Variants in NAALADL2 observed in about 807,000 individuals in gnomAD.
NAALADL2 encodes inactive N-acetylated-alpha-linked acidic dipeptidase-like protein 2.
Under a neutral mutation model 87.2 loss-of-function variants are expected in NAALADL2, and 76 were observed. The ratio of observed to expected loss-of-function variants is 0.87; its 90% CI spans 0.72 to 1.05. The LOEUF is 1.05. Ranked by LOEUF, NAALADL2 falls within the 50% of genes least tolerant of loss-of-function variation. NAALADL2 has a pLI of 0.00. For synonymous variants in NAALADL2, 354 were observed against 331.0 expected (o/e 1.07, Z -0.75); for missense variants, 1,089 against 945.8 (o/e 1.15, Z -1.99).
intron 1 of NAALADL2, among the ~76,000 whole-genome samples, chr3:175,054,001 A>C (rs1041547333): frequency 6.6e-6 from 1 of 152,204 alleles, no homozygotes; most frequent in Non-Finnish European, 1.5e-5. Flanking sequence ...ACTGCTAACT[A>C]TTGTTTGCAA....
chr3:175,642,895 A>G (rs1021020444), intron 11 of NAALADL2, among the ~76,000 whole-genome samples: 9 of 152,178 alleles, frequency 5.9e-5, no homozygotes, highest in Non-Finnish European at 1.3e-4. Flanking sequence ...TATATTTGAA[A>G]AGTGATTCAG....
chr3:175,137,820 C>A (rs1418591447), intron 2 of NAALADL2, among the ~76,000 whole-genome samples: 1 of 151,598 alleles, frequency 6.6e-6, no homozygotes, highest in Non-Finnish European at 1.5e-5. Flanking sequence ...GATGGGGTTT[C>A]GCTAGGTTAC....
At chr3:174,875,986 G>T (rs1728457608) in intron 1 of NAALADL2, among the ~76,000 whole-genome samples, 2 of 144,080 alleles carry the variant, frequency 1.4e-5, no homozygotes, top group Admixed American at 6.9e-5. Context: ...GTGAAACCTT[G>T]TTTTTTTTTT....
chr3:175,379,117 G>T (rs9856818), intron 5 of NAALADL2, among the ~76,000 whole-genome samples: 2 of 151,528 alleles, frequency 1.3e-5, no homozygotes. Context: ...CAGATTGCCT[G>T]TCCCCAAATT....
intron 2 of NAALADL2, among the ~76,000 whole-genome samples, chr3:175,232,680 A>C (rs992324615): frequency 6.6e-6 from 1 of 152,224 alleles, no homozygotes; most frequent in African/African-American, 2.4e-5. Context: ...CACGGGCCAT[A>C]GGTTGAACAA....
intron 11 of NAALADL2, among the ~76,000 whole-genome samples, chr3:175,730,160 A>T (rs562754438): frequency 1.3e-5 from 2 of 151,790 alleles, no homozygotes; most frequent in Non-Finnish European, 2.9e-5. Context: ...TACAGTCACC[A>T]TACTGGGTAA....
At chr3:175,155,952 G>T (rs2108808579) in intron 2 of NAALADL2, among the ~76,000 whole-genome samples, 1 of 152,270 alleles carries the variant, frequency 6.6e-6, no homozygotes. Context: ...ATGTTAAGAG[G>T]AAGAGGAAAA....
intron 2 of NAALADL2, among the ~76,000 whole-genome samples, chr3:174,687,833 A>G (rs2108843949): frequency 6.6e-6 from 1 of 152,186 alleles, no homozygotes; most frequent in South Asian, 2.1e-4. Flanking sequence ...CATGGTAGTA[A>G]GTAAGTCTCA....
chr3:174,647,663 CTGT>C (rs979207088), intron 2 of NAALADL2, among the ~76,000 whole-genome samples: 11 of 152,208 alleles, frequency 7.2e-5, no homozygotes, highest in African/African-American at 2.7e-4. Flanking sequence ...ATTCACAGAG[CTGT>C]TGTGCAGTGA....
chr3:175,514,899 G>A (rs1045447016), intron 9 of NAALADL2, among the ~76,000 whole-genome samples: 3 of 152,202 alleles, frequency 2.0e-5, no homozygotes, highest in Non-Finnish European at 4.4e-5. Context: ...CTGCCTGAGT[G>A]TCTAGTCTCT....
intron 1 of NAALADL2, among the ~76,000 whole-genome samples, chr3:175,048,853 GA>G (rs1274212669): frequency 1.3e-5 from 2 of 152,120 alleles, no homozygotes; most frequent in Non-Finnish European, 2.9e-5. Context: ...TGCATTAGGT[GA>G]AATCACAGAA....
chr3:175,042,182 G>A (rs1410764723), intron 1 of NAALADL2, among the ~76,000 whole-genome samples: 1 of 152,020 alleles, frequency 6.6e-6, no homozygotes, highest in Non-Finnish European at 1.5e-5. Flanking sequence ...TTGCCTTTCT[G>A]TGTCTGGCAT....
chr3:175,705,741 G>T (rs777876733), intron 11 of NAALADL2, among the ~76,000 whole-genome samples: 15 of 152,028 alleles, frequency 9.9e-5, no homozygotes, highest in South Asian at 6.2e-4. Context: ...TTGCCCAACT[G>T]CCTTGTCCAG....
chr3:175,061,064 C>T (rs1469820505), intron 1 of NAALADL2, among the ~76,000 whole-genome samples: 1 of 151,978 alleles, frequency 6.6e-6, no homozygotes, highest in Non-Finnish European at 1.5e-5. Context: ...CAAAAAAAAT[C>T]CTTCAGAGAA....
intron 2 of NAALADL2, among the ~76,000 whole-genome samples, chr3:174,653,130 A>G (rs1724546634): frequency 6.6e-6 from 1 of 152,328 alleles, no homozygotes; most frequent in African/African-American, 2.4e-5. Flanking sequence ...CCATTCTGAA[A>G]GACTGGCAGT....
chr3:175,693,338 A>C (rs1737292959), intron 11 of NAALADL2, among the ~76,000 whole-genome samples: 1 of 152,186 alleles, frequency 6.6e-6, no homozygotes, highest in Non-Finnish European at 1.5e-5. Flanking sequence ...TTATTAATTT[A>C]TTTGATATGG....
chr3:174,837,686 C>T (rs903924256), intron 3 of NAALADL2, among the ~76,000 whole-genome samples: 10 of 151,866 alleles, frequency 6.6e-5, no homozygotes, highest in Admixed American at 1.3e-4. Context: ...CCCAGCTACT[C>T]GGGAGGCTGA....
At chr3:175,553,034 C>T (rs1399179367) in intron 9 of NAALADL2, among the ~76,000 whole-genome samples, 1 of 151,694 alleles carries the variant, frequency 6.6e-6, no homozygotes, top group East Asian at 1.9e-4. Flanking sequence ...ACTTTTTTGC[C>T]TTTCAGTATA....
intron 4 of NAALADL2, among the ~76,000 whole-genome samples, chr3:175,303,221 T>C (rs1231102393): frequency 6.6e-6 from 1 of 152,146 alleles, no homozygotes; most frequent in Non-Finnish European, 1.5e-5. Context: ...CCAGAAATCA[T>C]TGGCAAAAGG....
Sources: allele counts gnomAD v4.1 joint callset (sites outside exome capture counted in the v4.1 genomes callset), GRCh38; gene constraint gnomAD v4.1.1; transcripts MANE v1.5; gene names NCBI Gene and HGNC (gene_info 2026-07-23, HGNC 2026-07-21).